Variants in OVOL1 observed in about 807,000 individuals in gnomAD.
The protein encoded by OVOL1 is putative transcription factor Ovo-like 1.
Under a neutral mutation model 21.5 loss-of-function variants are expected in OVOL1, and 10 were observed. That is an observed-to-expected ratio of 0.46 (90% confidence interval 0.29 to 0.79). OVOL1 has a LOEUF of 0.79. OVOL1 is among the 30% of genes least tolerant of loss of function. The probability of loss-of-function intolerance (pLI) is 0.10; values close to 1 mark genes in which losing one functional copy is unlikely to be tolerated. For missense variants in OVOL1, 279 were observed against 362.3 expected, an observed-to-expected ratio of 0.77 and a Z score of 1.87; for synonymous variants, 129 against 150.3, an observed-to-expected ratio of 0.86 and a Z score of 1.03.
chr11:65,795,033 G>A lies in OVOL1; in HGVS notation c.509-13G>A. The A allele has an allele frequency of 1.2e-6, 2 of 1,608,900 alleles. No homozygotes were observed. The highest frequency in any genetic ancestry group is 8.5e-7 in the Non-Finnish European group (1 of 1,177,952). ...TGCCAGGTCTCTGATGCTGGCCCCT[G>A]TCCTCCCCACAGGCGTGCGGCCCTA... On this transcript the variant is annotated splice_polypyrimidine_tract_variant and intron_variant, in intron 3 of 3. Transcript: ENST00000335987. The surrounding 1 kb of genome is among the most constrained non-coding windows in gnomAD (Gnocchi z 5.7).
chr11:65,794,332 T>G (rs1858084489), intron 2 of OVOL1, 84 bp downstream of exon 2: 18 of 1,337,118 alleles, frequency 1.3e-5, no homozygotes, highest in Non-Finnish European at 1.9e-5. Context: ...ACAAATGAGA[T>G]GTAGGCAGAG....
At position 65,794,205 on chromosome 11, in the gene OVOL1, AC is replaced by A; in HGVS notation, c.280del (p.Gln94ArgfsTer12). On this transcript the variant is annotated frameshift_variant, in exon 2 of 4. Coordinates refer to ENST00000335987, the MANE Select transcript of OVOL1 (RefSeq NM_004561.4). LOFTEE classifies it high-confidence loss of function. ...LPSEDMGHLT[D>X]PQSRDHGFLR... Reference sequence around the variant, plus strand: ...TCTGAAGACATGGGCCACTTGACAGACCCCCAGAGCAGAGACCATGGCTTCC... The same window carrying A: ...TCTGAAGACATGGGCCACTTGACAGACCCCAGAGCAGAGACCATGGCTTCC... 1 of 1,613,384 alleles carries A rather than the reference AC, an allele frequency of 6.2e-7. No individual in the cohort carries two copies. Among genetic ancestry groups the A allele is most frequent in the Non-Finnish European group, 8.5e-7 (1 of 1,180,018 alleles).
intron 1 of OVOL1, among the ~76,000 whole-genome samples, chr11:65,788,045 C>T (rs1411302340): frequency 6.6e-6 from 1 of 152,200 alleles, no homozygotes; most frequent in Non-Finnish European, 1.5e-5. Context: ...CGTTGGGCTC[C>T]GGCTGCTAGT....
At position 65,788,893 on chromosome 11, in the gene OVOL1, C is replaced by G. The variant is rs145460536; in HGVS notation, c.100+1420C>G. 49 of 985,464 alleles carry G rather than the reference C, an allele frequency of 5.0e-5. No individual in the cohort carries two copies. In the East Asian group the frequency reaches 4.8e-3, roughly 96 times the overall value. 61.0% of individuals were successfully genotyped at this position (985,464 alleles called of 1,614,324 possible). On this transcript the variant is annotated intron_variant, in intron 1 of 3. Transcript: ENST00000335987. ...GTATAGCTTCTTGCTTGGCCACACTCCCTGGTGAGCTGGCTGGTTCTCTAC... is the reference window on the plus strand; with the variant it reads ...GTATAGCTTCTTGCTTGGCCACACTGCCTGGTGAGCTGGCTGGTTCTCTAC...
chr11:65,788,203 A>G (rs1018176192), intron 1 of OVOL1, among the ~76,000 whole-genome samples: 1 of 152,176 alleles, frequency 6.6e-6, no homozygotes, highest in African/African-American at 2.4e-5. Flanking sequence ...AGCTGCAGGG[A>G]GCCCACCCCA....
Position 65,794,664 on chromosome 11 carries a change from A to T in OVOL1, c.445A>T (p.Thr149Ser). The stretch of plus-strand genomic sequence containing the variant: ...CAACGACGTCAAGAGGCACCTCTGC[A>T]CGTACTGCGGGAAGGGCTTCAATGA... ...CHNDVKRHLC[T>S]YCGKGFNDTF... The change falls in exon 3 of 4, where the codon ACG (threonine) becomes TCG (serine). Residue 149 changes from threonine (T) to serine (S), a missense_variant. Physicochemically the swap from Thr to Ser is moderately conservative, Grantham distance 58. Transcript: ENST00000335987. The T allele has an allele frequency of 6.2e-7, 1 of 1,613,754 alleles. No individual in the cohort carries two copies.
At position 65,787,130 on chromosome 11, in the gene OVOL1, C is replaced by T. The variant is rs950557368; in HGVS notation, c.-244C>T. 7.6e-6 allele frequency: 3 copies of T among 394,024 alleles called. No homozygotes were observed. The highest frequency in any genetic ancestry group is 1.1e-4 in the East Asian group (2 of 17,814). The allele number at this position is 394,024 out of a possible 1,614,324, so 24.4% of individuals were successfully genotyped here. On this transcript the variant is annotated 5_prime_UTR_variant, in exon 1 of 4. Coordinates refer to ENST00000335987, the MANE Select transcript of OVOL1 (RefSeq NM_004561.4). Reference sequence around the variant, plus strand: ...GCCGGGAGACGCTTACCTGCCGCTTCCCCGCGCCGCCCGGTGCACCTGGCC... The same window carrying T: ...GCCGGGAGACGCTTACCTGCCGCTTTCCCGCGCCGCCCGGTGCACCTGGCC...
At position 65,795,405 on chromosome 11, in the gene OVOL1, C is replaced by T. The variant is rs761669146; in HGVS notation, c.*64C>T. ...AGCATCCAGGATTGCCTCCCAGCTG[C>T]CTGGCCAGCCCACCCTCCTGCAACC... On this transcript the variant is annotated 3_prime_UTR_variant, in exon 4 of 4. Transcript: ENST00000335987. The surrounding 1 kb of genome is among the most constrained non-coding windows in gnomAD (Gnocchi z 5.7). The T allele has an allele frequency of 2.7e-5, 39 of 1,431,496 alleles. No individual in the cohort carries two copies. Among genetic ancestry groups the T allele is most frequent in the Non-Finnish European group, 3.5e-5 (37 of 1,062,902 alleles). The allele number at this position is 1,431,496 out of a possible 1,614,324, so 88.7% of individuals were successfully genotyped here.
At position 65,794,526 on chromosome 11, in the gene OVOL1, C is replaced by A; in HGVS notation, c.319-12C>A. 1 of 1,609,726 alleles carries A rather than the reference C, an allele frequency of 6.2e-7. No homozygotes were observed. The highest frequency in any genetic ancestry group is 8.5e-7 in the Non-Finnish European group (1 of 1,177,088). ...TCTGGATGTCTGTCAGCAATGCCGT[C>A]CTCACCCACAGGTGACCCTTGGGGA... On this transcript the variant is annotated splice_polypyrimidine_tract_variant and intron_variant, in intron 2 of 3. Coordinates refer to ENST00000335987, the MANE Select transcript of OVOL1 (RefSeq NM_004561.4).
intron 1 of OVOL1, chr11:65,788,982 A>G (rs1857956308): frequency 2.0e-6 from 2 of 985,308 alleles, no homozygotes; most frequent in Non-Finnish European, 2.4e-6. Context: ...TCCGCCCTCC[A>G]CCCTCACCTG....
At chr11:65,791,935 T>C (rs1858027244) in intron 1 of OVOL1, among the ~76,000 whole-genome samples, 1 of 152,232 alleles carries the variant, frequency 6.6e-6, no homozygotes, top group African/African-American at 2.4e-5. Context: ...GCACTCCCTG[T>C]GCGTGTGGCC....
intron 1 of OVOL1, chr11:65,790,843 G>A (rs956196898): frequency 1.3e-5 from 2 of 152,394 alleles, no homozygotes; most frequent in African/African-American, 4.8e-5. Flanking sequence ...CCTGGCAGAT[G>A]ATTTGTCTCA....
At position 65,787,325 on chromosome 11, in the gene OVOL1, C is replaced by T. The variant is rs757170793; in HGVS notation, c.-49C>T. ...CGGCCCCGCAAAGGTGGGACGGCTC[C>T]CGGCTTCAGTTACGGAAGCGGCCCG... On this transcript the variant is annotated 5_prime_UTR_variant, in exon 1 of 4. Transcript: ENST00000335987. 6.1e-6 allele frequency: 9 copies of T among 1,479,366 alleles called. No homozygotes were observed. Among genetic ancestry groups the T allele is most frequent in the Non-Finnish European group, 7.4e-6 (8 of 1,087,658 alleles). The allele number at this position is 1,479,366 out of a possible 1,614,324, so 91.6% of individuals were successfully genotyped here. A position where few individuals can be genotyped will look rare whatever the true frequency, so the allele number is the denominator to read the frequency against.
At chr11:65,791,817 C>T (rs925087435) in intron 1 of OVOL1, among the ~76,000 whole-genome samples, 1 of 152,218 alleles carries the variant, frequency 6.6e-6, no homozygotes, top group Non-Finnish European at 1.5e-5. Context: ...ACCGCCTTGC[C>T]GGAAACATCT....
Position 65,789,634 on chromosome 11 carries a change from C to G in OVOL1, c.100+2161C>G, listed in dbSNP as rs1331404380. The G allele has an allele frequency of 7.2e-6, 7 of 969,236 alleles. No homozygotes were observed. In the African/African-American group the frequency reaches 1.2e-4, roughly 17 times the overall value. 60.0% of individuals were successfully genotyped at this position (969,236 alleles called of 1,614,324 possible). ...GTCCCCTGGCTGGGCCATTCCATCA[C>G]CAGCCAACCATGACCCCAGAGCCAG... On this transcript the variant is annotated intron_variant, in intron 1 of 3. Transcript: ENST00000335987.
At chr11:65,793,489 G>A (rs1001506862) in intron 1 of OVOL1, among the ~76,000 whole-genome samples, 1 of 152,242 alleles carries the variant, frequency 6.6e-6, no homozygotes, top group Admixed American at 6.5e-5. Context: ...TGGAGAGCCT[G>A]GAGCCCTGGG....
chr11:65,790,899 G>A (rs1475896292), intron 1 of OVOL1: 1 of 152,594 alleles, frequency 6.6e-6, no homozygotes. Context: ...GGAGGATGGC[G>A]AGGGAAGCTG....
At chr11:65,790,866 GA>G (rs1236895085) in intron 1 of OVOL1, 1 of 152,636 alleles carries the variant, frequency 6.6e-6, no homozygotes, top group East Asian at 1.9e-4. Context: ...AAGAACAGGT[GA>G]GGGCGAGTCC....
chr11:65,792,703 C>T (rs756870791), intron 1 of OVOL1, among the ~76,000 whole-genome samples: 8 of 152,234 alleles, frequency 5.3e-5, no homozygotes, highest in South Asian at 2.1e-4. Context: ...GCCTGCAGGA[C>T]GGGTTCTGGG....
Sources: allele counts gnomAD v4.1 joint callset (sites outside exome capture counted in the v4.1 genomes callset), GRCh38; gene constraint gnomAD v4.1.1; non-coding constraint Gnocchi (gnomAD v3.1); transcripts MANE v1.5; gene names NCBI Gene and HGNC (gene_info 2026-07-23, HGNC 2026-07-21).